The following DENND2A variants were observed in gnomAD, a reference collection of about 807,000 sequenced individuals.
The protein encoded by DENND2A is DENN domain-containing protein 2A.
DENND2A carries 53 observed loss-of-function variants against 105.3 expected under a neutral mutation model. The observed-to-expected ratio is 0.50, with a 90% CI of 0.40 to 0.63. DENND2A has a LOEUF of 0.63. Among genes scored for constraint, DENND2A ranks in the 30% least tolerant of loss-of-function variants. The probability of loss-of-function intolerance (pLI) is 0.00; values close to 1 mark genes in which losing one functional copy is unlikely to be tolerated. For synonymous variants in DENND2A, 522 were observed against 508.4 expected (o/e 1.03, Z -0.36); for missense variants, 1,138 against 1,279.6 (o/e 0.89, Z 1.69).
rs777285244 is a variant in DENND2A, at chr7:140,523,153, G to T, written c.2665+154C>A. On this transcript the variant is annotated intron_variant, in intron 17 of 19. Coordinates refer to ENST00000496613, the MANE Select transcript of DENND2A (RefSeq NM_015689.5). This position sits in a 1 kb window ranked among gnomAD's most constrained non-coding sequence, Gnocchi z 4.5. The stretch of plus-strand genomic sequence containing the variant: ...GAAAATCTTTCCCACAATTCACTGT[G>T]GGAATGAAATCCAGATAAACAGAAT... Among the ~76,000 whole-genome samples, 6 of 152,190 alleles carry T rather than the reference G, an allele frequency of 3.9e-5. No individual in the cohort carries two copies. The highest frequency in any genetic ancestry group is 8.8e-5 in the Non-Finnish European group (6 of 68,032).
At chr7:140,632,479 C>G (rs1203792795) in intron 1 of DENND2A, among the ~76,000 whole-genome samples, 1 of 152,186 alleles carries the variant, frequency 6.6e-6, no homozygotes, top group African/African-American at 2.4e-5. Flanking sequence ...CAACTCTCAG[C>G]CTTTACCAGC....
chr7:140,586,097 C>T (rs73498501), intron 4 of DENND2A, among the ~76,000 whole-genome samples: 6,738 of 152,172 alleles, frequency 0.044, 496 homozygotes, highest in African/African-American at 0.15. Flanking sequence ...CTCAGGATTT[C>T]TGCTGGGACT....
At chr7:140,547,423 C>T (rs747420920) in intron 12 of DENND2A, among the ~76,000 whole-genome samples, 19 of 152,204 alleles carry the variant, frequency 1.2e-4, no homozygotes, top group Non-Finnish European at 2.5e-4. Context: ...AAATCAAAAG[C>T]ACCATGAGAT....
intron 6 of DENND2A, 36 bp from the exon 7 acceptor site, chr7:140,569,774 C>G (rs1165886479): frequency 6.9e-7 from 1 of 1,444,740 alleles, no homozygotes; most frequent in Non-Finnish European, 9.7e-7. Context: ...CCAGTGTTAG[C>G]AGCCCACTCT....
chr7:140,600,899 T>C (rs1335145440), intron 3 of DENND2A, among the ~76,000 whole-genome samples: 8 of 152,244 alleles, frequency 5.3e-5, no homozygotes, highest in African/African-American at 1.9e-4. Context: ...TAATGTGTTA[T>C]TTTAACGTTA....
upstream of DENND2A, among the ~76,000 whole-genome samples, chr7:140,641,025 G>A (rs992364326): frequency 2.6e-5 from 4 of 152,140 alleles, no homozygotes; most frequent in African/African-American, 9.7e-5. Flanking sequence ...GACGCCCGCC[G>A]CGCGCGGGCT....
intron 5 of DENND2A, among the ~76,000 whole-genome samples, chr7:140,583,794 CGG>C (rs1798652199): frequency 6.7e-6 from 1 of 148,976 alleles, no homozygotes; most frequent in African/African-American, 2.6e-5. Flanking sequence ...GGCGTGGTGG[CGG>C]GCGCCTGTAG....
At chr7:140,561,063 C>T (rs1797596004) in intron 9 of DENND2A, among the ~76,000 whole-genome samples, 1 of 151,882 alleles carries the variant, frequency 6.6e-6, no homozygotes, top group African/African-American at 2.4e-5. Context: ...TTTTTTAGAG[C>T]CAGAGTCTTG....
rs1314910658 is a variant in DENND2A at position 140,571,251 on chromosome 7, C to A, written c.1447-1513G>T. On this transcript the variant is annotated intron_variant, in intron 6 of 19. Transcript: ENST00000496613. Reference sequence around the variant, plus strand: ...TTGGCTCACCACAACCTCCGACTCCCGGTTTCAAGTGATTCTCATGCCTCA... The same window carrying A: ...TTGGCTCACCACAACCTCCGACTCCAGGTTTCAAGTGATTCTCATGCCTCA... 3.9e-5 allele frequency among the ~76,000 whole-genome samples: 6 copies of A among 152,188 alleles called. 1 individual carries two copies. The South Asian group carries it at 1.2e-3, about 32-fold the overall frequency.
In DENND2A at chr7:140,527,769, C is replaced by T. The variant is rs1329801652; in HGVS notation, c.2328-274G>A. Among the ~76,000 whole-genome samples the T allele has an allele frequency of 6.6e-6, 1 of 152,114 alleles. No individual in the cohort carries two copies. Reference sequence around the variant, plus strand: ...TGTGAGCTGCACGCCCTGCACTCTCCCGCCCTGACCTTTTTTTGTGATCTA... The same window carrying T: ...TGTGAGCTGCACGCCCTGCACTCTCTCGCCCTGACCTTTTTTTGTGATCTA... On this transcript the variant is annotated intron_variant, in intron 14 of 19. Coordinates refer to ENST00000496613, the MANE Select transcript of DENND2A (RefSeq NM_015689.5). This position sits in a 1 kb window ranked among gnomAD's most constrained non-coding sequence, Gnocchi z 4.9.
intron 11 of DENND2A, among the ~76,000 whole-genome samples, chr7:140,556,077 G>A (rs1204712433): frequency 6.6e-6 from 1 of 152,008 alleles, no homozygotes; most frequent in Non-Finnish European, 1.5e-5. Context: ...GAGTGCAGTG[G>A]TGTGATGTTG....
intron 4 of DENND2A, among the ~76,000 whole-genome samples, chr7:140,587,403 C>T (rs969630338): frequency 9.2e-5 from 14 of 152,196 alleles, no homozygotes; most frequent in Admixed American, 2.0e-4. Context: ...CTATGCCACG[C>T]TGCCACACTG....
intron 1 of DENND2A, among the ~76,000 whole-genome samples, chr7:140,638,503 C>T (rs1801041357): frequency 6.6e-6 from 1 of 152,222 alleles, no homozygotes; most frequent in South Asian, 2.1e-4. Context: ...GTCTCCTCCT[C>T]CTCCTCCAGG....
chr7:140,550,309 C>T (rs924484530), intron 12 of DENND2A, among the ~76,000 whole-genome samples: 4 of 152,140 alleles, frequency 2.6e-5, no homozygotes, highest in African/African-American at 7.2e-5. Context: ...TCTCCTGCCT[C>T]AGCCTCCCGA....
chr7:140,635,633 A>G (rs1800897810), intron 1 of DENND2A, among the ~76,000 whole-genome samples: 2 of 152,178 alleles, frequency 1.3e-5, no homozygotes, highest in African/African-American at 4.8e-5. Context: ...AGCTTGCTGC[A>G]AGGGTGACCC....
In DENND2A at chr7:140,602,180, T is replaced by A. The variant is rs777830276; in HGVS notation, c.218A>T (p.Asp73Val). The change falls in exon 3 of 20, where the codon GAT becomes GTT. Residue 73 changes from aspartate to valine, a missense_variant. Asp to Val is a radical substitution (Grantham distance 152). Coordinates refer to ENST00000496613, the MANE Select transcript of DENND2A (RefSeq NM_015689.5). ...CTCCACCGTAGAGGACGGCAGATAA[T>A]CCTCCTGTCCGTCTGCTCTCCTGCT... ...APSRRADGQE[D>V]YLPSSTVERR... is the part of the protein sequence containing the mutation. 6.2e-7 allele frequency: 1 copy of A among 1,614,168 alleles called. No homozygotes were observed. Among genetic ancestry groups the A allele is most frequent in the South Asian group, 1.1e-5 (1 of 91,082 alleles).
intron 5 of DENND2A, among the ~76,000 whole-genome samples, chr7:140,581,967 A>ATT (rs372515936): frequency 6.8e-5 from 8 of 117,740 alleles, no homozygotes; most frequent in African/African-American, 3.2e-4. Context: ...CCTTGGGCAG[A>ATT]TGTTTTTTTT....
At chr7:140,630,348 C>T (rs1007758866) in intron 1 of DENND2A, among the ~76,000 whole-genome samples, 1 of 152,100 alleles carries the variant, frequency 6.6e-6, no homozygotes, top group East Asian at 1.9e-4. Flanking sequence ...TTTACCTGGA[C>T]CTTCCAACTA....
chr7:140,558,045 A>C (rs1797452279), intron 11 of DENND2A, 98 bp downstream of exon 11: 7 of 906,632 alleles, frequency 7.7e-6, no homozygotes, highest in Non-Finnish European at 1.2e-5. Context: ...CTCATCAGGG[A>C]ATCTCAGTCT....
Sources: gnomAD v4.1 joint callset for allele counts (sites outside exome capture counted in the v4.1 genomes callset) on GRCh38, gnomAD v4.1.1 for gene constraint, Gnocchi (gnomAD v3.1) non-coding constraint, MANE v1.5 for transcripts, NCBI Gene and HGNC (gene_info 2026-07-23, HGNC 2026-07-21) for gene names.